THSD4: variants seen among roughly 807,000 people sequenced by gnomAD.
THSD4 encodes the protein thrombospondin type-1 domain-containing protein 4.
Under a neutral mutation model 119.0 loss-of-function variants are expected in THSD4, and 69 were observed. That is an observed-to-expected ratio of 0.58 (90% CI 0.48 to 0.71). The LOEUF (loss-of-function observed/expected upper bound fraction) is 0.71, where lower values mean the gene tolerates loss of function less well. Among genes scored for constraint, THSD4 ranks in the 30% least tolerant of loss-of-function variants. The pLI, the probability that THSD4 is intolerant of heterozygous loss-of-function variation, is 0.00. For synonymous variants in THSD4, 524 were observed against 540.4 expected, an observed-to-expected ratio of 0.97 and a Z score of 0.42; for missense variants, 1,393 against 1,391.1, an observed-to-expected ratio of 1.00 and a Z score of -0.02.
intron 7 of THSD4, among the ~76,000 whole-genome samples, chr15:71,561,335 A>C (rs2049113848): frequency 6.6e-6 from 1 of 152,086 alleles, no homozygotes; most frequent in African/African-American, 2.4e-5. Context: ...AAGATTAAGG[A>C]GGTGATTTCC....
intron 6 of THSD4, among the ~76,000 whole-genome samples, chr15:71,362,193 C>T (rs777028240): frequency 6.6e-6 from 1 of 152,122 alleles, no homozygotes; most frequent in Non-Finnish European, 1.5e-5. Flanking sequence ...GCAGAAGAAT[C>T]GCTTGAACCT....
chr15:71,356,306 C>T (rs1177211761), intron 6 of THSD4, among the ~76,000 whole-genome samples: 1 of 152,206 alleles, frequency 6.6e-6, no homozygotes, highest in African/African-American at 2.4e-5. Context: ...AGCACCTAGC[C>T]TGAGGTGGCC....
rs72742760 is a variant in THSD4 at position 71,660,560 on chromosome 15, G to C, written c.1183G>C (p.Asp395His). The C allele has an allele frequency of 1.9e-6, 3 of 1,614,050 alleles. No individual in the cohort carries two copies. Among genetic ancestry groups the C allele is most frequent in the South Asian group, 1.1e-5 (1 of 91,064 alleles). Reference sequence around the variant, plus strand: ...TGGCTGTGATGACTACTTAGGCTCCGACAAAGTCGTGGACAAATGTGGGGT... The same window carrying C: ...TGGCTGTGATGACTACTTAGGCTCCCACAAAGTCGTGGACAAATGTGGGGT... ...SIGCDDYLGS[D>H]KVVDKCGVCG... The change falls in exon 8 of 18, where the codon GAC becomes CAC. Residue 395 changes from aspartate to histidine, a missense_variant. Transcript: ENST00000261862.
chr15:71,635,098 AT>A (rs2050714256), intron 7 of THSD4, among the ~76,000 whole-genome samples: 1 of 152,166 alleles, frequency 6.6e-6, no homozygotes, highest in Admixed American at 6.5e-5. Flanking sequence ...CATCGGTCAC[AT>A]GTATGCACTG....
chr15:71,625,070 C>T (rs2050483548), intron 7 of THSD4, among the ~76,000 whole-genome samples: 1 of 152,004 alleles, frequency 6.6e-6, no homozygotes, highest in African/African-American at 2.4e-5. Flanking sequence ...TACAGTGGTG[C>T]CATCTTAGCT....
chr15:71,601,090 A>T (rs2050001751), intron 7 of THSD4, among the ~76,000 whole-genome samples: 1 of 152,174 alleles, frequency 6.6e-6, no homozygotes, highest in African/African-American at 2.4e-5. Flanking sequence ...TTTTGGTGAG[A>T]ATAAATAACT....
At chr15:71,136,051 A>G (rs913339109) in intron 1 of THSD4, among the ~76,000 whole-genome samples, 3 of 133,740 alleles carry the variant, frequency 2.2e-5, no homozygotes, top group Non-Finnish European at 3.1e-5. Context: ...CACTCAACCA[A>G]TCATCTTTCC....
In THSD4 at chr15:71,660,601, C is replaced by T. The variant is rs780888008; in HGVS notation, c.1224C>T (p.Asn408=). The T allele has an allele frequency of 6.2e-7, 1 of 1,614,164 alleles. No homozygotes were observed. Among genetic ancestry groups the T allele is most frequent in the Non-Finnish European group, 8.5e-7 (1 of 1,180,018 alleles). Reference sequence around the variant, plus strand: ...AATGTGGGGTGTGTGGAGGAGACAACACGGGCTGTCAGGTTGTGTCGGGCG... The same window carrying T: ...AATGTGGGGTGTGTGGAGGAGACAATACGGGCTGTCAGGTTGTGTCGGGCG... The part of the protein sequence containing the change: ...VDKCGVCGGD[N]TGCQVVSGVF... Residue 408 remains asparagine (N), a synonymous_variant, in exon 8 of 18, where the codon AAC becomes AAT. Coordinates refer to ENST00000261862, the MANE Select transcript of THSD4 (RefSeq NM_024817.3).
chr15:71,369,453 C>T (rs1218435937), intron 6 of THSD4, among the ~76,000 whole-genome samples: 1 of 152,106 alleles, frequency 6.6e-6, no homozygotes, highest in Non-Finnish European at 1.5e-5. Context: ...TGAGATACGT[C>T]CCATCAATAC....
chr15:71,396,914 CA>C (rs1566968761), intron 6 of THSD4, among the ~76,000 whole-genome samples: 1 of 152,182 alleles, frequency 6.6e-6, no homozygotes, highest in East Asian at 1.9e-4. Flanking sequence ...GTAACTTGGA[CA>C]AGGTTCACTT....
chr15:71,322,572 T>C (rs763637702), intron 6 of THSD4, among the ~76,000 whole-genome samples: 4 of 152,212 alleles, frequency 2.6e-5, no homozygotes, highest in Non-Finnish European at 5.9e-5. Flanking sequence ...TTAAAACGTT[T>C]CTATAGGTCA....
intron 7 of THSD4, 150 bp from the exon 8 acceptor site, chr15:71,660,380 G>T: frequency 1.2e-6 from 1 of 840,878 alleles, no homozygotes; most frequent in South Asian, 1.6e-5. Context: ...TACTTGTCTG[G>T]TTTACCGTCT....
chr15:71,530,466 G>C (rs1249309873), intron 7 of THSD4, among the ~76,000 whole-genome samples: 1 of 152,132 alleles, frequency 6.6e-6, no homozygotes, highest in African/African-American at 2.4e-5. Context: ...TCATTGAGGA[G>C]GCCAAGCAGT....
At chr15:71,330,281 C>G (rs2045404684) in intron 6 of THSD4, among the ~76,000 whole-genome samples, 5 of 152,098 alleles carry the variant, frequency 3.3e-5, no homozygotes, top group Admixed American at 2.6e-4. Flanking sequence ...TTAAATTCAT[C>G]TTTGAGTCTC....
chr15:71,331,018 G>A (rs1467801013), intron 6 of THSD4, among the ~76,000 whole-genome samples: 1 of 152,212 alleles, frequency 6.6e-6, no homozygotes, highest in Non-Finnish European at 1.5e-5. Context: ...TGGCTCCCGG[G>A]TGTAGACAGA....
chr15:71,215,227 C>A lies in THSD4; in HGVS notation c.292C>A (p.Arg98Ser). ...RGGQRPGAPA[R>S]AFADHVVSAV... ...CGGCCAGCGGCCTGGCGCCCCTGCGCGCGCCTTCGCGGACCACGTGGTGTC... is the reference window on the plus strand; with the variant it reads ...CGGCCAGCGGCCTGGCGCCCCTGCGAGCGCCTTCGCGGACCACGTGGTGTC... Residue 98 changes from arginine (R) to serine (S), a missense_variant, in exon 4 of 18, where the codon CGC (arginine) becomes AGC (serine). Transcript: ENST00000261862. 2 of 1,413,246 alleles carry A rather than the reference C, an allele frequency of 1.4e-6. No individual in the cohort carries two copies. The highest frequency in any genetic ancestry group is 9.2e-7 in the Non-Finnish European group (1 of 1,090,148). The allele number at this position is 1,413,246 out of a possible 1,614,324, so 87.5% of individuals were successfully genotyped here. A position where few individuals can be genotyped will look rare whatever the true frequency, so the allele number is the denominator to read the frequency against.
intron 7 of THSD4, among the ~76,000 whole-genome samples, chr15:71,653,229 T>C (rs1218534609): frequency 6.6e-6 from 1 of 152,256 alleles, no homozygotes; most frequent in African/African-American, 2.4e-5. Flanking sequence ...GAAGGTTTGA[T>C]AGCAGTAAGG....
chr15:71,319,491 A>G (rs2045238715), intron 6 of THSD4, among the ~76,000 whole-genome samples: 1 of 150,960 alleles, frequency 6.6e-6, no homozygotes, highest in African/African-American at 2.4e-5. Flanking sequence ...CAGTGAGAAC[A>G]TGCGGTGTTC....
intron 7 of THSD4, among the ~76,000 whole-genome samples, chr15:71,530,068 G>A (rs952531062): frequency 1.3e-5 from 2 of 152,118 alleles, no homozygotes; most frequent in African/African-American, 2.4e-5. Context: ...ATTTCTTCTT[G>A]CCACTTTTTG....
Sources: allele counts gnomAD v4.1 joint callset (sites outside exome capture counted in the v4.1 genomes callset), GRCh38; gene constraint gnomAD v4.1.1; transcripts MANE v1.5; gene names NCBI Gene and HGNC (gene_info 2026-07-23, HGNC 2026-07-21).